ACSL5: variants seen among roughly 807,000 people sequenced by gnomAD.
The protein encoded by ACSL5 is long-chain-fatty-acid--CoA ligase 5.
ACSL5 carries 50 observed loss-of-function variants against 84.9 expected under a neutral mutation model. The ratio of observed to expected loss-of-function variants is 0.59; its 90% CI spans 0.47 to 0.75. The LOEUF is 0.75. ACSL5 is among the 30% of genes least tolerant of loss of function. The probability of loss-of-function intolerance (pLI) is 0.00; values close to 1 mark genes in which losing one functional copy is unlikely to be tolerated. For synonymous variants in ACSL5, 280 were observed against 300.7 expected (o/e 0.93, Z 0.71); for missense variants, 775 against 830.4 (o/e 0.93, Z 0.82).
chr10:112,420,808 G>A (rs1222423568), intron 14 of ACSL5, among the ~76,000 whole-genome samples: 1 of 151,432 alleles, frequency 6.6e-6, no homozygotes, highest in Non-Finnish European at 1.5e-5. Flanking sequence ...TGCAACCTCC[G>A]CCTCCTGGGT....
At position 112,374,180 on chromosome 10, in the gene ACSL5, G is replaced by T. The variant is rs866652820; in HGVS notation, c.-119G>T. ...GTCAGTCCTAGGAGCTGTGGAAAGAGTAGAAGTGCCTGAATGTGGTGCTGA... is the reference window on the plus strand; with the variant it reads ...GTCAGTCCTAGGAGCTGTGGAAAGATTAGAAGTGCCTGAATGTGGTGCTGA... On this transcript the variant is annotated 5_prime_UTR_variant, in exon 1 of 21. Coordinates refer to ENST00000354655, the MANE Select transcript of ACSL5 (RefSeq NM_203379.2). 6.6e-6 allele frequency: 1 copy of T among 152,320 alleles called. No homozygotes were observed. Among genetic ancestry groups the T allele is most frequent in the South Asian group, 2.1e-4 (1 of 4,822 alleles). The allele number at this position is 152,320 out of a possible 1,614,324, so 9.4% of individuals were successfully genotyped here. A position where few individuals can be genotyped will look rare whatever the true frequency, so the allele number is the denominator to read the frequency against.
chr10:112,409,723 G>A lies in ACSL5; in HGVS notation c.711+38G>A, dbSNP rs749816828. On this transcript the variant is annotated intron_variant, in intron 7 of 20. Transcript: ENST00000354655. ...AATTTAGCTTGCAGCTCCAATGCTTGTCCAACACCTTGGGCAACTTGCAAG... is the reference window on the plus strand; with the variant it reads ...AATTTAGCTTGCAGCTCCAATGCTTATCCAACACCTTGGGCAACTTGCAAG... The A allele has an allele frequency of 6.9e-6, 11 of 1,603,170 alleles. No individual in the cohort carries two copies. In the African/African-American group the frequency reaches 8.0e-5, roughly 12 times the overall value.
chr10:112,417,022 G>C lies in ACSL5; in HGVS notation c.1218G>C (p.Gln406His). 6.2e-7 allele frequency: 1 copy of C among 1,613,562 alleles called. No individual in the cohort carries two copies. The highest frequency in any genetic ancestry group is 8.5e-7 in the Non-Finnish European group (1 of 1,179,642). Reference protein sequence around the residue: ...FWDKLIFAKIQDSLGGRVRVI... With the variant: ...FWDKLIFAKIHDSLGGRVRVI... ...ACAAGCTCATCTTTGCAAAGATCCAGGTAGGTTGGGCAGGTCCTGGACTGA... is the reference window on the plus strand; with the variant it reads ...ACAAGCTCATCTTTGCAAAGATCCACGTAGGTTGGGCAGGTCCTGGACTGA... The change falls in exon 13 of 21, where the codon CAG (glutamine) becomes CAC (histidine). Residue 406 changes from glutamine to histidine, a missense_variant and splice_region_variant. Coordinates refer to ENST00000354655, the MANE Select transcript of ACSL5 (RefSeq NM_203379.2).
intron 12 of ACSL5, 25 bp downstream of exon 12, chr10:112,413,332 T>C: frequency 1.9e-6 from 3 of 1,613,422 alleles, no homozygotes; most frequent in Non-Finnish European, 2.5e-6. Context: ...CTGAAGGGAC[T>C]GTCTGTGACT....
At chr10:112,411,772 A>T in intron 10 of ACSL5, 130 bp from the exon 11 acceptor site, 2 of 912,140 alleles carry the variant, frequency 2.2e-6, no homozygotes, top group Admixed American at 4.1e-5. Context: ...GGCATCTCAG[A>T]TCTACACAGT....
chr10:112,407,518 G>A (rs961111170), intron 5 of ACSL5, among the ~76,000 whole-genome samples: 5 of 151,928 alleles, frequency 3.3e-5, no homozygotes, highest in South Asian at 2.1e-4. Flanking sequence ...CACTGCACCC[G>A]GCCTCAAGTT....
chr10:112,387,102 T>G (rs945614561), intron 1 of ACSL5, among the ~76,000 whole-genome samples: 5 of 152,326 alleles, frequency 3.3e-5, no homozygotes, highest in African/African-American at 1.2e-4. Context: ...TTAAATAGCT[T>G]GGGTAGCTGA....
At position 112,404,757 on chromosome 10, in the gene ACSL5, A is replaced by C; in HGVS notation, c.383A>C (p.Lys128Thr). 6.2e-7 allele frequency: 1 copy of C among 1,614,032 alleles called. No individual in the cohort carries two copies. The highest frequency in any genetic ancestry group is 8.5e-7 in the Non-Finnish European group (1 of 1,179,962). ...LGSCLLHKGYKSSPDQFVGIF... is the reference protein window; with the variant it reads ...LGSCLLHKGYTSSPDQFVGIF... ...TCCTGTCTCTTGCATAAAGGTTATA[A>C]ATCATCACCAGACCAGTTTGTCGGC... The change falls in exon 5 of 21, where the codon AAA becomes ACA. Residue 128 changes from lysine to threonine, a missense_variant. Lys to Thr is a moderately conservative substitution (Grantham distance 78, BLOSUM62 -1). Transcript: ENST00000354655.
chr10:112,396,162 CTT>C (rs1843742416), intron 2 of ACSL5: 1 of 152,234 alleles, frequency 6.6e-6, no homozygotes, highest in Admixed American at 6.5e-5. Flanking sequence ...TCTCAATTGA[CTT>C]GAGACTTCTT....
At chr10:112,415,105 T>A (rs1844283894) in intron 12 of ACSL5, among the ~76,000 whole-genome samples, 1 of 152,336 alleles carries the variant, frequency 6.6e-6, no homozygotes, top group African/African-American at 2.4e-5. Context: ...TTTGTTCATA[T>A]GTTGTTGTTG....
intron 12 of ACSL5, among the ~76,000 whole-genome samples, chr10:112,416,012 C>T (rs564082370): frequency 6.6e-6 from 1 of 152,136 alleles, no homozygotes; most frequent in African/African-American, 2.4e-5. Flanking sequence ...CAGAATTAAG[C>T]CCAAAGGGAA....
At chr10:112,417,322 G>A (rs571412663) in intron 13 of ACSL5, among the ~76,000 whole-genome samples, 1 of 151,616 alleles carries the variant, frequency 6.6e-6, no homozygotes, top group South Asian at 2.1e-4. Flanking sequence ...GACCAACATG[G>A]TGAAACCCAG....
Position 112,427,420 on chromosome 10 carries a change from A to T in ACSL5, c.*62A>T. The T allele has an allele frequency of 6.9e-7, 1 of 1,446,010 alleles. No individual in the cohort carries two copies. The highest frequency in any genetic ancestry group is 1.5e-5 in the South Asian group (1 of 67,484). 89.6% of individuals were successfully genotyped at this position (1,446,010 alleles called of 1,614,324 possible). A position where few individuals can be genotyped will look rare whatever the true frequency, so the allele number is the denominator to read the frequency against. ...CTGCTTGTGAGAAAATGGATTAAAA[A>T]CTATTCTTACATTTGTTTTGCCTTT... On this transcript the variant is annotated 3_prime_UTR_variant, in exon 21 of 21. Transcript: ENST00000354655.
chr10:112,426,174 C>A, intron 18 of ACSL5, 84 bp from the exon 19 acceptor site: 1 of 1,060,600 alleles, frequency 9.4e-7, no homozygotes. Flanking sequence ...ATTACAATGA[C>A]ATAATTCTGC....
chr10:112,404,333 C>T (rs1409747093), intron 3 of ACSL5, among the ~76,000 whole-genome samples, 178 bp from the exon 4 acceptor site: 1 of 152,154 alleles, frequency 6.6e-6, no homozygotes, highest in East Asian at 1.9e-4. Flanking sequence ...GTTTATAGGA[C>T]TCTTCATTTT....
At chr10:112,396,184 T>C (rs1423334032) in intron 2 of ACSL5, 1 of 152,240 alleles carries the variant, frequency 6.6e-6, no homozygotes. Context: ...TTCTTGAAAC[T>C]CCTCCTTTCG....
chr10:112,408,871 A>G (rs1166530006), intron 6 of ACSL5: 1 of 187,332 alleles, frequency 5.3e-6, no homozygotes, highest in African/African-American at 2.4e-5. Flanking sequence ...TTAATTTCCT[A>G]CCTTTGTAAA....
At chr10:112,408,203 G>T (rs1844090575) in intron 5 of ACSL5, among the ~76,000 whole-genome samples, 1 of 151,650 alleles carries the variant, frequency 6.6e-6, no homozygotes, top group Non-Finnish European at 1.5e-5. Context: ...GGAGGCTGAG[G>T]TGGGAGGATT....
At chr10:112,385,734 G>T (rs921168895) in intron 1 of ACSL5, among the ~76,000 whole-genome samples, 1 of 152,164 alleles carries the variant, frequency 6.6e-6, no homozygotes, top group African/African-American at 2.4e-5. Flanking sequence ...ATCTGAGGGG[G>T]TTGATACTTT....
Sources: gnomAD v4.1 joint callset for allele counts (sites outside exome capture counted in the v4.1 genomes callset) on GRCh38, gnomAD v4.1.1 for gene constraint, MANE v1.5 for transcripts, NCBI Gene and HGNC (gene_info 2026-07-23, HGNC 2026-07-21) for gene names.